The following LINGO2 variants were observed in gnomAD, a reference collection of about 807,000 sequenced individuals.
The protein encoded by LINGO2 is leucine rich repeat and Ig domain containing 2, also known as leucine-rich repeat and immunoglobulin-like domain-containing nogo receptor-interacting protein 2.
A neutral mutation model predicts 30.6 loss-of-function variants in LINGO2; 14 were observed. The ratio of observed to expected loss-of-function variants is 0.46; its 90% CI spans 0.30 to 0.72. The LOEUF (loss-of-function observed/expected upper bound fraction) is 0.72, where lower values mean the gene tolerates loss of function less well. Ranked by LOEUF, LINGO2 falls within the 30% of genes least tolerant of loss-of-function variation. LINGO2 has a pLI of 0.07. For synonymous variants in LINGO2, 317 were observed against 288.5 expected, an observed-to-expected ratio of 1.10 and a Z score of -1.00; for missense variants, 729 against 751.7, an observed-to-expected ratio of 0.97 and a Z score of 0.35.
chr9:28,127,282 C>A (rs949729682), intron 4 of LINGO2, among the ~76,000 whole-genome samples: 2 of 152,020 alleles, frequency 1.3e-5, no homozygotes, highest in Non-Finnish European at 2.9e-5. Flanking sequence ...GCCTTCGGGG[C>A]CTTGGAGTGT....
chr9:28,465,993 C>G (rs756797495), intron 2 of LINGO2, among the ~76,000 whole-genome samples: 6 of 152,004 alleles, frequency 3.9e-5, no homozygotes, highest in African/African-American at 9.7e-5. Flanking sequence ...GAAAAGGGAA[C>G]CACTGTGCAC....
the LINGO2 span, among the ~76,000 whole-genome samples, chr9:28,986,438 C>T: frequency 6.6e-6 from 1 of 151,990 alleles, no homozygotes; most frequent in Non-Finnish European, 1.5e-5. Flanking sequence ...ACAAAAACTA[C>T]ATTCAATCTG....
chr9:28,556,155 G>T (rs1224363485), intron 1 of LINGO2, among the ~76,000 whole-genome samples: 1 of 151,942 alleles, frequency 6.6e-6, no homozygotes. Flanking sequence ...GGGCAATTAG[G>T]CAGGAGAAGG....
the LINGO2 span, among the ~76,000 whole-genome samples, chr9:28,949,656 T>C: frequency 3.9e-5 from 6 of 152,114 alleles, no homozygotes; most frequent in African/African-American, 1.2e-4. Context: ...ACCAGATGGA[T>C]TCACAGCCGA....
At chr9:29,134,960 CAG>C in the LINGO2 span, among the ~76,000 whole-genome samples, 53 of 151,038 alleles carry the variant, frequency 3.5e-4, no homozygotes, top group South Asian at 1.0e-3. Context: ...GCCTCATCAA[CAG>C]AGTTTTTTTT....
chr9:28,663,326 A>G (rs1828660895), intron 1 of LINGO2, among the ~76,000 whole-genome samples: 1 of 152,078 alleles, frequency 6.6e-6, no homozygotes, highest in Admixed American at 6.6e-5. Flanking sequence ...GCCGGCCAAC[A>G]TGCCTGGCTA....
intron 3 of LINGO2, among the ~76,000 whole-genome samples, chr9:28,354,904 A>G (rs1684154577): frequency 6.6e-6 from 1 of 152,076 alleles, no homozygotes; most frequent in African/African-American, 2.4e-5. Flanking sequence ...ATAAAATACA[A>G]CTGAGACTTG....
At chr9:28,536,149 C>A (rs987425176) in intron 1 of LINGO2, among the ~76,000 whole-genome samples, 10 of 152,032 alleles carry the variant, frequency 6.6e-5, no homozygotes. Flanking sequence ...GACATCAGAA[C>A]CCGAAGATAC....
chr9:28,337,565 G>T (rs1019581228), intron 3 of LINGO2, among the ~76,000 whole-genome samples: 1 of 152,130 alleles, frequency 6.6e-6, no homozygotes, highest in Non-Finnish European at 1.5e-5. Flanking sequence ...TCCCATAACA[G>T]GCCTGAAGGC....
chr9:28,836,183 T>C, the LINGO2 span, among the ~76,000 whole-genome samples: 5 of 152,294 alleles, frequency 3.3e-5, no homozygotes, highest in East Asian at 9.6e-4. Flanking sequence ...TTGATTTTCA[T>C]GTGATAAGAT....
chr9:28,503,053 T>C (rs1819958504), intron 1 of LINGO2, among the ~76,000 whole-genome samples: 1 of 152,060 alleles, frequency 6.6e-6, no homozygotes, highest in African/African-American at 2.4e-5. Flanking sequence ...TTGCTCTGCA[T>C]CAGTAATGAA....
At chr9:29,087,115 G>T in the LINGO2 span, among the ~76,000 whole-genome samples, 6 of 152,102 alleles carry the variant, frequency 3.9e-5, no homozygotes, top group Non-Finnish European at 7.4e-5. Flanking sequence ...GACCTCAGGT[G>T]ATCCACCGGC....
the LINGO2 span, among the ~76,000 whole-genome samples, chr9:28,847,705 C>T: frequency 7.2e-6 from 1 of 139,696 alleles, no homozygotes; most frequent in Non-Finnish European, 1.5e-5. Flanking sequence ...TATTGACACA[C>T]TGTTATTTCC....
the LINGO2 span, among the ~76,000 whole-genome samples, chr9:28,992,684 C>G: frequency 1.3e-5 from 2 of 152,206 alleles, no homozygotes; most frequent in East Asian, 1.9e-4. Flanking sequence ...ACAGTGCAAT[C>G]AAACTAGAAC....
At chr9:28,778,922 G>A in the LINGO2 span, among the ~76,000 whole-genome samples, 2 of 152,106 alleles carry the variant, frequency 1.3e-5, no homozygotes, top group African/African-American at 2.4e-5. Flanking sequence ...TTTGCATCTG[G>A]ATTATCTATA....
At position 28,290,104 on chromosome 9, in the gene LINGO2, T is replaced by C. The variant is rs113944262; in HGVS notation, c.-87+5104A>G. 8.3e-3 allele frequency among the ~76,000 whole-genome samples: 1,271 copies of C among 152,280 alleles called. 23 individuals carry two copies. The highest frequency in any genetic ancestry group is 0.029 in the African/African-American group (1,207 of 41,572). On this transcript the variant is annotated intron_variant, in intron 4 of 5. Coordinates refer to ENST00000379992, the Ensembl canonical transcript of LINGO2. ...TCATTCTTCTGCATTACATCTTTTT[T>C]TAAGTGAGGGAACCAAAGCTGAGAG...
At chr9:28,099,697 A>G (rs1211522048) in intron 4 of LINGO2, among the ~76,000 whole-genome samples, 1 of 152,200 alleles carries the variant, frequency 6.6e-6, no homozygotes, top group Non-Finnish European at 1.5e-5. Context: ...ATTAGTCTTT[A>G]ACACTCTTAA....
chr9:28,803,323 T>TTG, the LINGO2 span, among the ~76,000 whole-genome samples: 4,535 of 151,058 alleles, frequency 0.03, 229 homozygotes, highest in African/African-American at 0.1. Flanking sequence ...GTGAGTGTGT[T>TTG]TGTGTGTGTG....
the LINGO2 span, among the ~76,000 whole-genome samples, chr9:28,972,757 T>C: frequency 6.6e-6 from 1 of 151,578 alleles, no homozygotes; most frequent in African/African-American, 2.4e-5. Flanking sequence ...GGTGAAGGAG[T>C]AGCAAAGGCA....
Sources: gnomAD v4.1 joint callset for allele counts (sites outside exome capture counted in the v4.1 genomes callset) on GRCh38, gnomAD v4.1.1 for gene constraint, MANE v1.5 for transcripts, NCBI Gene and HGNC (gene_info 2026-07-23, HGNC 2026-07-21) for gene names.